Variants in CNTN6 observed in about 807,000 individuals in gnomAD.
CNTN6 encodes contactin-6.
A neutral mutation model predicts 122.8 loss-of-function variants in CNTN6; 137 were observed. The ratio of observed to expected loss-of-function variants is 1.12; its 90% CI spans 0.97 to 1.29. CNTN6 has a LOEUF of 1.29. CNTN6 is among the 50% of genes most tolerant of loss of function. The pLI is 0.00. For missense variants in CNTN6, 1,634 were observed against 1,223.4 expected, an observed-to-expected ratio of 1.34 and a Z score of -5.01; for synonymous variants, 570 against 426.0, an observed-to-expected ratio of 1.34 and a Z score of -4.16.
intron 1 of CNTN6, among the ~76,000 whole-genome samples, chr3:1,136,576 T>C (rs1464683230): frequency 2.6e-5 from 4 of 152,192 alleles, no homozygotes; most frequent in African/African-American, 4.8e-5. Context: ...TGGTGCTTTT[T>C]TTAAGCCCCA....
chr3:1,375,204 T>G (rs572188996), intron 16 of CNTN6, among the ~76,000 whole-genome samples: 1 of 152,210 alleles, frequency 6.6e-6, no homozygotes, highest in East Asian at 1.9e-4. Flanking sequence ...GAGCTTTAGT[T>G]TCAGGTTGTT....
intron 2 of CNTN6, among the ~76,000 whole-genome samples, chr3:1,209,740 T>C (rs2094007898): frequency 9.7e-6 from 1 of 103,296 alleles, no homozygotes; most frequent in Non-Finnish European, 2.1e-5. Flanking sequence ...GGTAAAACTG[T>C]GAGCCCCAGC....
chr3:1,115,048 C>T (rs1353487844), intron 1 of CNTN6, among the ~76,000 whole-genome samples: 1 of 152,100 alleles, frequency 6.6e-6, no homozygotes, highest in Admixed American at 6.6e-5. Context: ...GTAAATTGAG[C>T]TGCAGGAGCA....
At chr3:1,131,943 T>C (rs781019959) in intron 1 of CNTN6, among the ~76,000 whole-genome samples, 5 of 151,918 alleles carry the variant, frequency 3.3e-5, no homozygotes, top group Non-Finnish European at 7.4e-5. Flanking sequence ...CAGGAGGCAA[T>C]AGAGAAATCA....
intron 4 of CNTN6, among the ~76,000 whole-genome samples, chr3:1,246,619 T>C (rs780441415): frequency 1.3e-5 from 2 of 152,160 alleles, no homozygotes; most frequent in Non-Finnish European, 2.9e-5. Flanking sequence ...TTGTTGTCTA[T>C]AGTGATTTTA....
At chr3:1,231,850 C>T (rs1427933990) in intron 4 of CNTN6, among the ~76,000 whole-genome samples, 1 of 152,176 alleles carries the variant, frequency 6.6e-6, no homozygotes, top group African/African-American at 2.4e-5. Context: ...GTCTAGTCAC[C>T]AAAGGCTTCT....
chr3:1,386,665 AATT>A (rs1439992601), intron 20 of CNTN6, among the ~76,000 whole-genome samples: 12 of 152,144 alleles, frequency 7.9e-5, no homozygotes, highest in Non-Finnish European at 8.8e-5. Context: ...AATGAACACA[AATT>A]ATTCATAAAA....
intron 2 of CNTN6, among the ~76,000 whole-genome samples, chr3:1,169,920 T>C (rs2093328920): frequency 6.6e-6 from 1 of 152,180 alleles, no homozygotes; most frequent in South Asian, 2.1e-4. Context: ...CATATTATAT[T>C]CACCTTAAAT....
chr3:1,168,750 T>G (rs572622366), intron 2 of CNTN6, among the ~76,000 whole-genome samples: 4 of 152,154 alleles, frequency 2.6e-5, no homozygotes, highest in Non-Finnish European at 5.9e-5. Flanking sequence ...ATATTCTTCC[T>G]GCATTTTGCA....
At chr3:1,326,738 T>C (rs1458164750) in intron 9 of CNTN6, among the ~76,000 whole-genome samples, 1 of 151,962 alleles carries the variant, frequency 6.6e-6, no homozygotes, top group Non-Finnish European at 1.5e-5. Context: ...CTGAATATAA[T>C]GCTGTTCTTT....
At position 1,383,101 on chromosome 3, in the gene CNTN6, G is replaced by A; in HGVS notation, c.2326G>A (p.Val776Ile). ...ESIIPLSPFEVKVGVYNNEGE... is the reference protein window; with the variant it reads ...ESIIPLSPFEIKVGVYNNEGE... ...CATCATCCCACTGTCTCCCTTTGAAGTCAAAGTGGGTGTGTATAATAATGA... is the reference window on the plus strand; with the variant it reads ...CATCATCCCACTGTCTCCCTTTGAAATCAAAGTGGGTGTGTATAATAATGA... Residue 776 changes from valine (V) to isoleucine (I), a missense_variant, in exon 18 of 23, where the codon GTC (valine) becomes ATC (isoleucine). Physicochemically the swap from Val to Ile is conservative, Grantham distance 29. Coordinates refer to ENST00000446702, the MANE Select transcript of CNTN6 (RefSeq NM_001289080.2). 6.2e-7 allele frequency: 1 copy of A among 1,614,086 alleles called. No homozygotes were observed. Among genetic ancestry groups the A allele is most frequent in the South Asian group, 1.1e-5 (1 of 91,086 alleles).
At chr3:1,363,839 G>C (rs534237106) in intron 12 of CNTN6, among the ~76,000 whole-genome samples, 2 of 151,946 alleles carry the variant, frequency 1.3e-5, no homozygotes, top group East Asian at 3.9e-4. Context: ...CCTCCATACT[G>C]TTTTCCATAA....
chr3:1,390,076 G>T (rs1468173638), intron 20 of CNTN6, among the ~76,000 whole-genome samples: 2 of 151,962 alleles, frequency 1.3e-5, no homozygotes, highest in African/African-American at 4.8e-5. Flanking sequence ...GACATCTACA[G>T]AACTCTCCAC....
intron 7 of CNTN6, among the ~76,000 whole-genome samples, chr3:1,312,967 CAT>C (rs1412642007): frequency 1.3e-5 from 2 of 152,134 alleles, no homozygotes; most frequent in African/African-American, 4.8e-5. Flanking sequence ...ATGGAGCTAA[CAT>C]ATAATATGTG....
intron 4 of CNTN6, among the ~76,000 whole-genome samples, chr3:1,240,834 C>T (rs926193252): frequency 2.6e-5 from 4 of 151,962 alleles, no homozygotes; most frequent in Admixed American, 6.5e-5. Context: ...TGCACCTTCA[C>T]GTGGGTGCAG....
At chr3:1,284,126 A>T (rs1001299922) in intron 5 of CNTN6, among the ~76,000 whole-genome samples, 4 of 152,236 alleles carry the variant, frequency 2.6e-5, no homozygotes, top group African/African-American at 9.6e-5. Flanking sequence ...GGTTGGTAGA[A>T]CAGTTGAATT....
At chr3:1,135,492 T>C (rs1043166671) in intron 1 of CNTN6, among the ~76,000 whole-genome samples, 1 of 152,120 alleles carries the variant, frequency 6.6e-6, no homozygotes, top group African/African-American at 2.4e-5. Context: ...CCCCTTTCCT[T>C]CTCCTAATGG....
intron 4 of CNTN6, among the ~76,000 whole-genome samples, chr3:1,271,015 C>T (rs1171185283): frequency 6.6e-6 from 1 of 152,020 alleles, no homozygotes; most frequent in Non-Finnish European, 1.5e-5. Context: ...ATAGCTGGGA[C>T]CACAGGTACA....
intron 2 of CNTN6, among the ~76,000 whole-genome samples, chr3:1,212,719 ATG>A (rs772502036): frequency 2.0e-5 from 2 of 99,570 alleles, no homozygotes; most frequent in South Asian, 4.6e-4. Context: ...ATATTGTCAC[ATG>A]TTTTCAGCTG....
Sources: gnomAD v4.1 joint callset for allele counts (sites outside exome capture counted in the v4.1 genomes callset) on GRCh38, gnomAD v4.1.1 for gene constraint, MANE v1.5 for transcripts, NCBI Gene and HGNC (gene_info 2026-07-23, HGNC 2026-07-21) for gene names.